NSD1: variants seen among roughly 807,000 people sequenced by gnomAD.
NSD1 encodes histone-lysine N-methyltransferase, H3 lysine-36 specific.
Under a neutral mutation model 242.7 loss-of-function variants are expected in NSD1, and 26 were observed. That is an observed-to-expected ratio of 0.11 (90% CI 0.08 to 0.15). The LOEUF is 0.15. Among genes scored for constraint, NSD1 ranks in the 10% least tolerant of loss-of-function variants. The pLI, the probability that NSD1 is intolerant of heterozygous loss-of-function variation, is 1.00. For missense variants in NSD1, 2,495 were observed against 3,272.8 expected (o/e 0.76, Z 5.80); for synonymous variants, 1,106 against 1,178.1 (o/e 0.94, Z 1.25).
chr5:177,242,109 TTTTTA>T (rs1765920297), intron 8 of NSD1, among the ~76,000 whole-genome samples: 1 of 152,160 alleles, frequency 6.6e-6, no homozygotes, highest in African/African-American at 2.4e-5. Context: ...GTGCTGTTAA[TTTTTA>T]TTTTAAGTTA....
intron 13 of NSD1, 39 bp from the exon 14 acceptor site, chr5:177,259,950 T>C (rs1226567569): frequency 6.2e-7 from 1 of 1,608,978 alleles, no homozygotes; most frequent in African/African-American, 1.3e-5. Context: ...TTTAATATTT[T>C]TGTTTTTCTT....
rs1762715103 is a variant in NSD1, at chr5:177,204,260, G to C, written c.1204G>C (p.Gly402Arg). ...FEELPVLRRR[G>R]KQKEKGYRHK... ...AGAGCTACCTGTCCTTAGGAGAAGA[G>C]GGAAACAGAAAGAAAAAGGATATAG... The change falls in exon 4 of 23, where the codon GGG (glycine) becomes CGG (arginine). Residue 402 changes from glycine to arginine, a missense_variant. Gly to Arg is a moderately radical substitution (Grantham distance 125). Around this residue, in one of 19 missense-constraint regions of NSD1, gnomAD observed 65 missense variants for 136.2 expected, o/e 0.48. Coordinates refer to ENST00000439151, the MANE Select transcript of NSD1 (RefSeq NM_022455.5). 6.2e-7 allele frequency: 1 copy of C among 1,614,008 alleles called. No homozygotes were observed. The highest frequency in any genetic ancestry group is 8.5e-7 in the Non-Finnish European group (1 of 1,179,948).
At chr5:177,278,974 A>C (rs78913760) in intron 17 of NSD1, among the ~76,000 whole-genome samples, 7,418 of 152,276 alleles carry the variant, frequency 0.049, 200 homozygotes, top group South Asian at 0.081. Context: ...TCATGTTTTA[A>C]CTCACCAAAC....
At chr5:177,192,630 A>G (rs1761790175) in intron 3 of NSD1, among the ~76,000 whole-genome samples, 1 of 152,184 alleles carries the variant, frequency 6.6e-6, no homozygotes, top group Non-Finnish European at 1.5e-5. Flanking sequence ...TCCCGACCTC[A>G]GGCGATCTGC....
chr5:177,247,307 A>G (rs770296557), intron 10 of NSD1, among the ~76,000 whole-genome samples: 8 of 152,282 alleles, frequency 5.3e-5, no homozygotes, highest in African/African-American at 1.4e-4. Context: ...GCATGCGCCT[A>G]TAATTCCAGC....
chr5:177,175,628 T>TA (rs1337634008), intron 2 of NSD1, among the ~76,000 whole-genome samples: 1 of 151,770 alleles, frequency 6.6e-6, no homozygotes, highest in Admixed American at 6.6e-5. Flanking sequence ...GAATCTGCCT[T>TA]AAAAAAAATA....
chr5:177,194,185 C>G (rs1433561210), intron 3 of NSD1, among the ~76,000 whole-genome samples: 1 of 152,104 alleles, frequency 6.6e-6, no homozygotes, highest in Non-Finnish European at 1.5e-5. Flanking sequence ...TCCTTTATCA[C>G]AAACAGAACA....
At chr5:177,249,441 CTTTTTTA>C (rs1208624378) in intron 11 of NSD1, among the ~76,000 whole-genome samples, 1 of 151,002 alleles carries the variant, frequency 6.6e-6, no homozygotes, top group East Asian at 1.9e-4. Context: ...TTTCTTTTTT[CTTTTTTA>C]TTAATTAATT....
intron 20 of NSD1, 143 bp downstream of exon 20, chr5:177,284,071 C>A: frequency 2.0e-6 from 2 of 993,862 alleles, no homozygotes; most frequent in Non-Finnish European, 3.1e-6. Context: ...TTTTGTGCAA[C>A]CATCACCACC....
At chr5:177,157,184 A>G (rs1758208729) in intron 2 of NSD1, among the ~76,000 whole-genome samples, 1 of 152,062 alleles carries the variant, frequency 6.6e-6, no homozygotes, top group Admixed American at 6.6e-5. Flanking sequence ...CCTGACCAAC[A>G]TGGTGAAACT....
At chr5:177,158,998 T>TTATATATATATATATATATGAATGAGATA in intron 2 of NSD1, among the ~76,000 whole-genome samples, 1 of 122,596 alleles carries the variant, frequency 8.2e-6, no homozygotes, top group African/African-American at 3.8e-5. Context: ...ATGAATGATT[T>TTATATATATATATATATATGAATGAGATA]TATATATATA....
rs1181769462 is a variant in NSD1 at position 177,298,822 on chromosome 5, C to G, written c.*3363C>G. 3.0e-5 allele frequency: 7 copies of G among 232,978 alleles called. No homozygotes were observed. Among genetic ancestry groups the G allele is most frequent in the Non-Finnish European group, 5.1e-5 (6 of 117,958 alleles). The allele number at this position is 232,978 out of a possible 1,614,324, so 14.4% of individuals were successfully genotyped here. ...ATTCCCCCATAGGGAGTAATGAGGA[C>G]AGCATGAAACTTGGATAGGTTTTAC... On this transcript the variant is annotated 3_prime_UTR_variant, in exon 23 of 23. Transcript: ENST00000439151.
chr5:177,166,408 T>G (rs1253047032), intron 2 of NSD1, among the ~76,000 whole-genome samples: 1 of 151,896 alleles, frequency 6.6e-6, no homozygotes, highest in Non-Finnish European at 1.5e-5. Flanking sequence ...ATTAGCCAAG[T>G]GTGGTGGCAT....
At chr5:177,177,920 A>G (rs954649395) in intron 2 of NSD1, among the ~76,000 whole-genome samples, 2 of 152,142 alleles carry the variant, frequency 1.3e-5, no homozygotes, top group Non-Finnish European at 2.9e-5. Context: ...TTTGAGATAG[A>G]ATCTTGCTCT....
chr5:177,181,427 G>GTTTTTTTTTTTTT (rs34848476), intron 2 of NSD1, among the ~76,000 whole-genome samples: 25 of 117,332 alleles, frequency 2.1e-4, no homozygotes, highest in Non-Finnish European at 2.9e-4. Context: ...TTTTTTTTTG[G>GTTTTTTTTTTTTT]TTTTTTTTTT....
At chr5:177,181,345 G>A (rs1023424621) in intron 2 of NSD1, among the ~76,000 whole-genome samples, 1 of 151,494 alleles carries the variant, frequency 6.6e-6, no homozygotes, top group Non-Finnish European at 1.5e-5. Flanking sequence ...CTATCAAATG[G>A]CATTGAATGC....
chr5:177,245,511 T>C (rs147963504), intron 9 of NSD1, among the ~76,000 whole-genome samples: 264 of 152,298 alleles, frequency 1.7e-3, no homozygotes, highest in African/African-American at 5.9e-3. Flanking sequence ...TTTCATACTG[T>C]TAACTAGCAC....
chr5:177,257,219 T>TTTTTC (rs1331316277), intron 13 of NSD1, 68 bp downstream of exon 13: 1 of 1,263,728 alleles, frequency 7.9e-7, no homozygotes, highest in African/African-American at 1.6e-5. Context: ...GATATTTTCT[T>TTTTTC]TTTTCTTTCT....
At chr5:177,165,841 C>CTAGCCTTCTAGCCT (rs1759142172) in intron 2 of NSD1, among the ~76,000 whole-genome samples, 1 of 151,724 alleles carries the variant, frequency 6.6e-6, no homozygotes, top group Non-Finnish European at 1.5e-5. Context: ...AAGCAATCTT[C>CTAGCCTTCTAGCCT]TAGCCTTCTA....
Sources: allele counts gnomAD v4.1 joint callset (sites outside exome capture counted in the v4.1 genomes callset), GRCh38; gene constraint gnomAD v4.1.1; regional missense constraint gnomAD v4.1.1; transcripts MANE v1.5; gene names NCBI Gene and HGNC (gene_info 2026-07-23, HGNC 2026-07-21).